MACROD2: variants seen among roughly 807,000 people sequenced by gnomAD.
The protein encoded by MACROD2 is ADP-ribose glycohydrolase MACROD2.
MACROD2 carries 36 observed loss-of-function variants against 70.4 expected under a neutral mutation model. The observed-to-expected ratio is 0.51, with a 90% CI of 0.39 to 0.68. The LOEUF (loss-of-function observed/expected upper bound fraction) is 0.68. MACROD2 is among the 30% of genes least tolerant of loss of function. The probability of loss-of-function intolerance (pLI) is 0.00; values close to 1 mark genes in which losing one functional copy is unlikely to be tolerated. For missense variants in MACROD2, 496 were observed against 538.4 expected, an observed-to-expected ratio of 0.92 and a Z score of 0.78; for synonymous variants, 172 against 178.8, an observed-to-expected ratio of 0.96 and a Z score of 0.30.
intron 4 of MACROD2, among the ~76,000 whole-genome samples, chr20:14,640,644 C>A (rs1985037079): frequency 6.6e-6 from 1 of 152,070 alleles, no homozygotes; most frequent in South Asian, 2.1e-4. Context: ...TTCCAGACCA[C>A]TGAAATAAAG....
At chr20:15,664,146 C>A (rs1479946226) in intron 8 of MACROD2, among the ~76,000 whole-genome samples, 1 of 152,140 alleles carries the variant, frequency 6.6e-6, no homozygotes, top group Non-Finnish European at 1.5e-5. Flanking sequence ...GAGTCTGCAC[C>A]TAGATTAAGT....
chr20:14,673,492 T>G (rs766787365), intron 4 of MACROD2, among the ~76,000 whole-genome samples: 3 of 152,158 alleles, frequency 2.0e-5, no homozygotes, highest in Non-Finnish European at 4.4e-5. Flanking sequence ...GGAATCTGCA[T>G]TTTTACTAGG....
intron 15 of MACROD2, among the ~76,000 whole-genome samples, chr20:15,996,884 T>C (rs2147494333): frequency 6.6e-6 from 1 of 152,306 alleles, no homozygotes; most frequent in African/African-American, 2.4e-5. Context: ...CTGTGAGTGG[T>C]ATAAGACAGA....
intron 3 of MACROD2, among the ~76,000 whole-genome samples, chr20:14,284,873 A>G (rs1443371108): frequency 1.3e-5 from 2 of 152,224 alleles, no homozygotes; most frequent in African/African-American, 2.4e-5. Flanking sequence ...TTGTATAGAA[A>G]TAACTTGGTA....
chr20:15,627,126 G>A (rs1241368491), intron 8 of MACROD2, among the ~76,000 whole-genome samples: 1 of 149,866 alleles, frequency 6.7e-6, no homozygotes, highest in African/African-American at 2.5e-5. Context: ...ACAGTTACAA[G>A]TTTGTGAACA....
At chr20:15,185,972 A>G (rs1041829436) in intron 5 of MACROD2, among the ~76,000 whole-genome samples, 36 of 152,286 alleles carry the variant, frequency 2.4e-4, no homozygotes, top group African/African-American at 8.4e-4. Flanking sequence ...CAGCCTAGGA[A>G]TCAAACTTGG....
At chr20:14,737,204 T>C (rs2071677057) in intron 5 of MACROD2, among the ~76,000 whole-genome samples, 1 of 152,090 alleles carries the variant, frequency 6.6e-6, no homozygotes, top group Admixed American at 6.5e-5. Context: ...ACATGTGGTG[T>C]TTGGTTTTCT....
intron 5 of MACROD2, among the ~76,000 whole-genome samples, chr20:14,862,782 G>T (rs1264922380): frequency 7.2e-6 from 1 of 139,446 alleles, no homozygotes; most frequent in Non-Finnish European, 1.5e-5. Context: ...CTTGCCTTTT[G>T]TCTAACAGGA....
At chr20:15,658,101 T>A (rs2049758939) in intron 8 of MACROD2, among the ~76,000 whole-genome samples, 1 of 152,172 alleles carries the variant, frequency 6.6e-6, no homozygotes, top group Non-Finnish European at 1.5e-5. Flanking sequence ...TAGCAGAGCT[T>A]GTTGCCTTGA....
intron 2 of MACROD2, among the ~76,000 whole-genome samples, chr20:14,037,725 AT>A (rs2053333367): frequency 6.6e-6 from 1 of 152,100 alleles, no homozygotes; most frequent in South Asian, 2.1e-4. Flanking sequence ...GAATTAAGAC[AT>A]TGTTCCTTGC....
chr20:15,139,522 T>C (rs578003084), intron 5 of MACROD2, among the ~76,000 whole-genome samples: 1 of 152,304 alleles, frequency 6.6e-6, no homozygotes, highest in Admixed American at 6.5e-5. Flanking sequence ...TATGTCACTC[T>C]GTAATTATCC....
chr20:15,370,915 G>A (rs745491856), intron 6 of MACROD2, among the ~76,000 whole-genome samples: 3 of 151,948 alleles, frequency 2.0e-5, no homozygotes, highest in Non-Finnish European at 4.4e-5. Context: ...CTTCCTGGGG[G>A]CAAAAGAAAA....
intron 5 of MACROD2, among the ~76,000 whole-genome samples, chr20:14,725,872 GC>G (rs1395556007): frequency 1.3e-5 from 2 of 152,132 alleles, no homozygotes; most frequent in Non-Finnish European, 2.9e-5. Flanking sequence ...CCAAGAAAAA[GC>G]CCTTAGGGGT....
At chr20:14,745,399 T>C in intron 5 of MACROD2, among the ~76,000 whole-genome samples, 1 of 152,174 alleles carries the variant, frequency 6.6e-6, no homozygotes, top group East Asian at 1.9e-4. Context: ...GTTTTAATGC[T>C]GCGGAATATC....
chr20:14,435,402 A>AT (rs1215171689), intron 3 of MACROD2, among the ~76,000 whole-genome samples: 1 of 152,166 alleles, frequency 6.6e-6, no homozygotes, highest in Non-Finnish European at 1.5e-5. Flanking sequence ...GTTTCCAGGC[A>AT]TTAGGATATG....
intron 2 of MACROD2, among the ~76,000 whole-genome samples, chr20:14,005,482 T>A (rs550998908): frequency 6.6e-6 from 1 of 152,314 alleles, no homozygotes; most frequent in Non-Finnish European, 1.5e-5. Flanking sequence ...TTCTTGTCTC[T>A]CCTATTGTAC....
chr20:14,074,767 C>T (rs960394364), intron 2 of MACROD2, among the ~76,000 whole-genome samples: 1 of 152,136 alleles, frequency 6.6e-6, no homozygotes, highest in Non-Finnish European at 1.5e-5. Context: ...CTCCCCTGAT[C>T]CTTAGTTTTG....
rs550360430 is a variant in MACROD2, at chr20:15,704,624, A to T, written c.646-158121A>T. Among the ~76,000 whole-genome samples the T allele has an allele frequency of 3.3e-5, 5 of 152,334 alleles. No individual in the cohort carries two copies. The South Asian group carries it at 1.0e-3, about 32-fold the overall frequency. Reference sequence around the variant, plus strand: ...TCTGTGGGTATAAGGTGGGGTTGAGATGCTGCCATTCTAACAAGCTCCCAG... The same window carrying T: ...TCTGTGGGTATAAGGTGGGGTTGAGTTGCTGCCATTCTAACAAGCTCCCAG... On this transcript the variant is annotated intron_variant, in intron 8 of 17. Transcript: ENST00000684519.
intron 5 of MACROD2, among the ~76,000 whole-genome samples, chr20:14,756,933 T>C (rs917448793): frequency 2.0e-5 from 3 of 152,032 alleles, no homozygotes; most frequent in Admixed American, 2.0e-4. Context: ...CATTCTTCTC[T>C]CTCCTGCCAC....
Sources: gnomAD v4.1 joint callset for allele counts (sites outside exome capture counted in the v4.1 genomes callset) on GRCh38, gnomAD v4.1.1 for gene constraint, MANE v1.5 for transcripts, NCBI Gene and HGNC (gene_info 2026-07-23, HGNC 2026-07-21) for gene names.